Variants in DCPS observed in about 807,000 individuals in gnomAD.
The protein encoded by DCPS is m7GpppX diphosphatase.
Under a neutral mutation model 34.7 loss-of-function variants are expected in DCPS, and 27 were observed. That is an observed-to-expected ratio of 0.78 (90% CI 0.57 to 1.07). The LOEUF (loss-of-function observed/expected upper bound fraction) is 1.07. DCPS is among the 50% of genes least tolerant of loss of function. DCPS has a pLI of 0.00. For synonymous variants in DCPS, 185 were observed against 185.7 expected (o/e 1.00, Z 0.03); for missense variants, 464 against 436.9 (o/e 1.06, Z -0.55).
At chr11:126,330,984 C>T (rs1198894771) in intron 2 of DCPS, among the ~76,000 whole-genome samples, 2 of 151,912 alleles carry the variant, frequency 1.3e-5, no homozygotes, top group African/African-American at 2.4e-5. Context: ...GATCCGCCTG[C>T]CTCGGCCTCC....
chr11:126,338,986 T>C lies in DCPS; in HGVS notation c.636+587T>C, dbSNP rs1177192872. 6.6e-6 allele frequency among the ~76,000 whole-genome samples: 1 copy of C among 152,224 alleles called. No individual in the cohort carries two copies. The highest frequency in any genetic ancestry group is 1.5e-5 in the Non-Finnish European group (1 of 68,034). Reference sequence around the variant, plus strand: ...AGCCGTCCTCCCTCACAGGTATCCCTTTCCAGTTCCCTATGGTCTTCTGTC... The same window carrying C: ...AGCCGTCCTCCCTCACAGGTATCCCCTTCCAGTTCCCTATGGTCTTCTGTC... On this transcript the variant is annotated intron_variant, in intron 4 of 5. Transcript: ENST00000263579. The surrounding 1 kb of genome is among the most constrained non-coding windows in gnomAD (Gnocchi z 5.4).
chr11:126,318,364 G>C (rs1441874116), intron 2 of DCPS, among the ~76,000 whole-genome samples: 1 of 152,196 alleles, frequency 6.6e-6, no homozygotes, highest in Non-Finnish European at 1.5e-5. Context: ...ACCCTGCCTT[G>C]CTTGGCCTGG....
rs1591382287 is a variant in DCPS, at chr11:126,313,661, A to G, written c.376+6917A>G. On this transcript the variant is annotated intron_variant, in intron 2 of 5. Transcript: ENST00000263579. The surrounding 1 kb of genome is among the most constrained non-coding windows in gnomAD (Gnocchi z 4.9). Reference sequence around the variant, plus strand: ...CTGCCTAGGGATGCATACATGTGTAATAAGACTATGAGGACAAAAAGGAAA... The same window carrying G: ...CTGCCTAGGGATGCATACATGTGTAGTAAGACTATGAGGACAAAAAGGAAA... Among the ~76,000 whole-genome samples, 1 of 152,198 alleles carries G rather than the reference A, an allele frequency of 6.6e-6. No individual in the cohort carries two copies. Among genetic ancestry groups the G allele is most frequent in the East Asian group, 1.9e-4 (1 of 5,190 alleles).
Position 126,319,934 on chromosome 11 carries a change from A to C in DCPS, c.377-11471A>C, listed in dbSNP as rs185095849. On this transcript the variant is annotated intron_variant, in intron 2 of 5. Transcript: ENST00000263579. This position sits in a 1 kb window ranked among gnomAD's most constrained non-coding sequence, Gnocchi z 4.5. ...TTTTAACGTATTTGTTACACAAGTG[A>C]TATGTAAATATATATAACTCCATCA... Among the ~76,000 whole-genome samples, 1 of 152,080 alleles carries C rather than the reference A, an allele frequency of 6.6e-6. No homozygotes were observed. The highest frequency in any genetic ancestry group is 2.1e-4 in the South Asian group (1 of 4,820).
chr11:126,306,609 G>A lies in DCPS; in HGVS notation c.241G>A (p.Val81Ile), dbSNP rs754132367. The A allele has an allele frequency of 2.4e-5, 39 of 1,613,040 alleles. No individual in the cohort carries two copies. Among genetic ancestry groups the A allele is most frequent in the African/African-American group, 1.3e-4 (10 of 74,884 alleles). ...ASGDGDGEDA[V>I]VILEKTPFQV... ...TGGGGATGGGGATGGAGAGGATGCC[G>A]TTGTGATCCTGGAGAAGACGCCATT... is the stretch of plus-strand genomic sequence containing the variant. The change falls in exon 2 of 6, where the codon GTT becomes ATT. Residue 81 changes from valine (V) to isoleucine (I), a missense_variant. Physicochemically the swap from Val to Ile is conservative, Grantham distance 29. Transcript: ENST00000263579.
rs1340862250 is a variant in DCPS, at chr11:126,332,112, C to T, written c.522+562C>T. On this transcript the variant is annotated intron_variant, in intron 3 of 5. Transcript: ENST00000263579. The surrounding 1 kb of genome is among the most constrained non-coding windows in gnomAD (Gnocchi z 5.4). ...TCCAGACTCTTATTCCTGGTTTCACCTGCGGCAAACCGGCCTGCAGGATCT... is the reference window on the plus strand; with the variant it reads ...TCCAGACTCTTATTCCTGGTTTCACTTGCGGCAAACCGGCCTGCAGGATCT... 1.3e-5 allele frequency among the ~76,000 whole-genome samples: 2 copies of T among 152,212 alleles called. No homozygotes were observed. The highest frequency in any genetic ancestry group is 2.4e-5 in the African/African-American group (1 of 41,450).
rs1309110137 is a variant in DCPS at position 126,332,517 on chromosome 11, G to A, written c.522+967G>A. Among the ~76,000 whole-genome samples, 1 of 152,230 alleles carries A rather than the reference G, an allele frequency of 6.6e-6. No homozygotes were observed. Among genetic ancestry groups the A allele is most frequent in the African/African-American group, 2.4e-5 (1 of 41,472 alleles). On this transcript the variant is annotated intron_variant, in intron 3 of 5. Transcript: ENST00000263579. This position sits in a 1 kb window ranked among gnomAD's most constrained non-coding sequence, Gnocchi z 5.4. The stretch of plus-strand genomic sequence containing the variant: ...AAGATTCAGGTCACTGTGGTGGAGG[G>A]TGTTGTGATGTGAGGAACTCACAGC...
chr11:126,304,063 C>T lies in DCPS; in HGVS notation c.-18C>T, dbSNP rs1304971133. The stretch of plus-strand genomic sequence containing the variant: ...GGCCAGCGCAGGGGGCGCAGGCGCA[C>T]ACCGCCTCCGCGGCAGCATGGCGGA... On this transcript the variant is annotated 5_prime_UTR_variant, in exon 1 of 6. Coordinates refer to ENST00000263579, the MANE Select transcript of DCPS (RefSeq NM_014026.6). 3 of 1,572,980 alleles carry T rather than the reference C, an allele frequency of 1.9e-6. No individual in the cohort carries two copies. The highest frequency in any genetic ancestry group is 2.6e-6 in the Non-Finnish European group (3 of 1,159,590).
Position 126,333,238 on chromosome 11 carries a change from C to T in DCPS, c.522+1688C>T, listed in dbSNP as rs529474758. Among the ~76,000 whole-genome samples the T allele has an allele frequency of 4.6e-5, 7 of 152,248 alleles. No individual in the cohort carries two copies. In the East Asian group the frequency reaches 5.8e-4, roughly 13 times the overall value. ...CTTCCAACTCCTGACTGACGGGAGCCGTTCATGTATTCCTTCTTGGCTATT... is the reference window on the plus strand; with the variant it reads ...CTTCCAACTCCTGACTGACGGGAGCTGTTCATGTATTCCTTCTTGGCTATT... On this transcript the variant is annotated intron_variant, in intron 3 of 5. Transcript: ENST00000263579. This position sits in a 1 kb window ranked among gnomAD's most constrained non-coding sequence, Gnocchi z 5.7.
rs373874834 is a variant in DCPS at position 126,304,304 on chromosome 11, T to C, written c.201+23T>C. On this transcript the variant is annotated intron_variant, in intron 1 of 5. Coordinates refer to ENST00000263579, the MANE Select transcript of DCPS (RefSeq NM_014026.6). ...AAGGTACCAGGAGGCAACCCTGAGGTGGGATGCGGGAAGCAGTGAACCAAT... is the reference window on the plus strand; with the variant it reads ...AAGGTACCAGGAGGCAACCCTGAGGCGGGATGCGGGAAGCAGTGAACCAAT... The C allele has an allele frequency of 2.5e-6, 4 of 1,611,336 alleles. No individual in the cohort carries two copies. The African/African-American group carries it at 4.0e-5, about 16-fold the overall frequency.
rs1165260410 is a variant in DCPS, at chr11:126,305,413, C to CTTTTTTTT, written c.202-1140_202-1133dup. The stretch of plus-strand genomic sequence containing the variant: ...TACAGGCGTGAGCCACCGCACCCGC[C>CTTTTTTTT]TTTTTTTTTTTTTTTTTTTTTTTTG... On this transcript the variant is annotated intron_variant, in intron 1 of 5. Coordinates refer to ENST00000263579, the MANE Select transcript of DCPS (RefSeq NM_014026.6). Among the ~76,000 whole-genome samples, 235 of 68,310 alleles carry CTTTTTTTT rather than the reference C, an allele frequency of 3.4e-3. 8 individuals carry two copies. The highest frequency in any genetic ancestry group is 4.6e-3 in the Non-Finnish European group (166 of 36,120). The allele number at this position is 68,310 out of a possible 152,430, so 44.8% of individuals were successfully genotyped here. A position where few individuals can be genotyped will look rare whatever the true frequency, so the allele number is the denominator to read the frequency against.
chr11:126,342,563 T>TG lies in DCPS; in HGVS notation c.637-744_637-743insG, dbSNP rs1315586788. Among the ~76,000 whole-genome samples, 1 of 152,202 alleles carries TG rather than the reference T, an allele frequency of 6.6e-6. No individual in the cohort carries two copies. The highest frequency in any genetic ancestry group is 1.5e-5 in the Non-Finnish European group (1 of 68,046). On this transcript the variant is annotated intron_variant, in intron 4 of 5. Transcript: ENST00000263579. This position sits in a 1 kb window ranked among gnomAD's most constrained non-coding sequence, Gnocchi z 4.4. ...AATACCCTTTCTCCAAATTCTACCT[T>TG]TTTTCTAGACCTGATCCTCTGCCTT...
chr11:126,320,303 C>CTTAAAGAA lies in DCPS; in HGVS notation c.377-11102_377-11101insTTAAAGAA, dbSNP rs1269445326. Among the ~76,000 whole-genome samples the CTTAAAGAA allele has an allele frequency of 2.6e-5, 4 of 152,100 alleles. No individual in the cohort carries two copies. Among genetic ancestry groups the CTTAAAGAA allele is most frequent in the African/African-American group, 9.7e-5 (4 of 41,402 alleles). On this transcript the variant is annotated intron_variant, in intron 2 of 5. Transcript: ENST00000263579. This position sits in a 1 kb window ranked among gnomAD's most constrained non-coding sequence, Gnocchi z 4.7. ...TCCCTGCTCTCGTGGACTTGATGTT[C>CTTAAAGAA]CACTGGAGATGATCTTAAAGAACAA...
intron 2 of DCPS, among the ~76,000 whole-genome samples, chr11:126,330,951 G>A (rs1951785388): frequency 6.6e-6 from 1 of 151,486 alleles, no homozygotes; most frequent in South Asian, 2.1e-4. Context: ...GGTCAGGCTG[G>A]TCTCGAACTC....
chr11:126,324,187 T>A (rs1016726372), intron 2 of DCPS, among the ~76,000 whole-genome samples: 3 of 151,698 alleles, frequency 2.0e-5, no homozygotes, highest in African/African-American at 4.8e-5. Flanking sequence ...AGTAGCAAAA[T>A]TTTTTTTTAG....
At chr11:126,330,995 C>T (rs1294823158) in intron 2 of DCPS, among the ~76,000 whole-genome samples, 1 of 151,968 alleles carries the variant, frequency 6.6e-6, no homozygotes, top group Non-Finnish European at 1.5e-5. Flanking sequence ...CTCGGCCTCC[C>T]AAAGTGCTGG....
chr11:126,305,413 C>CTGTTT (rs1951555744), intron 1 of DCPS, among the ~76,000 whole-genome samples: 1 of 68,296 alleles, frequency 1.5e-5, no homozygotes, highest in Non-Finnish European at 2.8e-5. Context: ...CCGCACCCGC[C>CTGTTT]TTTTTTTTTT....
intron 1 of DCPS, 70 bp from the exon 2 acceptor site, chr11:126,306,500 T>G: frequency 6.9e-7 from 1 of 1,439,108 alleles, no homozygotes; most frequent in Non-Finnish European, 9.3e-7. Context: ...CCCTGGGAGC[T>G]TCTGTCTTGC....
chr11:126,321,409 C>T (rs557500011), intron 2 of DCPS, among the ~76,000 whole-genome samples: 7 of 152,286 alleles, frequency 4.6e-5, no homozygotes, highest in Admixed American at 2.0e-4. Context: ...TCCCCCGGCC[C>T]CCATCCAGCT....
Sources: gnomAD v4.1 joint callset for allele counts (sites outside exome capture counted in the v4.1 genomes callset) on GRCh38, gnomAD v4.1.1 for gene constraint, Gnocchi (gnomAD v3.1) non-coding constraint, MANE v1.5 for transcripts, NCBI Gene and HGNC (gene_info 2026-07-23, HGNC 2026-07-21) for gene names.